Variants in GABRB1 observed in about 807,000 individuals in gnomAD.
GABRB1 encodes gamma-aminobutyric acid receptor subunit beta-1.
Under a neutral mutation model 51.6 loss-of-function variants are expected in GABRB1, and 17 were observed. That is an observed-to-expected ratio of 0.33 (90% CI 0.23 to 0.49). The LOEUF (loss-of-function observed/expected upper bound fraction) is 0.49, where lower values mean the gene tolerates loss of function less well. GABRB1 is among the 20% of genes least tolerant of loss of function. The pLI is 0.99. For missense variants in GABRB1, 410 were observed against 600.6 expected (o/e 0.68, Z 3.32); for synonymous variants, 247 against 218.9 (o/e 1.13, Z -1.14).
At chr4:47,322,172 C>T (rs545336557) in intron 5 of GABRB1, among the ~76,000 whole-genome samples, 1 of 152,204 alleles carries the variant, frequency 6.6e-6, no homozygotes, top group Admixed American at 6.5e-5. Flanking sequence ...AAGTAATCAT[C>T]AAATATGATG....
At chr4:47,015,642 A>G (rs1372199307) in intron 1 of GABRB1, among the ~76,000 whole-genome samples, 2 of 152,224 alleles carry the variant, frequency 1.3e-5, no homozygotes, top group African/African-American at 2.4e-5. Context: ...TTTCAAAGCA[A>G]TAATTGGAAA....
At chr4:47,304,870 A>G (rs995634228) in intron 4 of GABRB1, among the ~76,000 whole-genome samples, 2 of 152,116 alleles carry the variant, frequency 1.3e-5, no homozygotes, top group Non-Finnish European at 2.9e-5. Context: ...ATGATGTTTT[A>G]ATGGTTAAAA....
rs191763802 is a variant in GABRB1, at chr4:47,298,741, T to C, written c.462-21386T>C. Among the ~76,000 whole-genome samples the C allele has an allele frequency of 4.8e-4, 73 of 152,264 alleles. No homozygotes were observed. The East Asian group carries it at 9.5e-3, about 20-fold the overall frequency. Reference sequence around the variant, plus strand: ...TTCACAGAATTGGAAAAAACTACTTTAAAGTTCATATGGAAACAAAAAAGA... The same window carrying C: ...TTCACAGAATTGGAAAAAACTACTTCAAAGTTCATATGGAAACAAAAAAGA... On this transcript the variant is annotated intron_variant, in intron 4 of 8. Transcript: ENST00000295454.
At chr4:47,405,294 T>C (rs767398429) in intron 7 of GABRB1, among the ~76,000 whole-genome samples, 4 of 152,202 alleles carry the variant, frequency 2.6e-5, no homozygotes, top group Non-Finnish European at 4.4e-5. Context: ...TTCTAAAAGT[T>C]GAATAGTCAA....
chr4:47,236,773 C>T (rs1310208355), intron 4 of GABRB1, among the ~76,000 whole-genome samples: 2 of 152,134 alleles, frequency 1.3e-5, no homozygotes, highest in East Asian at 3.8e-4. Flanking sequence ...TCACTGTTTG[C>T]TTTCTTGAAT....
At chr4:47,320,923 C>A (rs1725061451) in intron 5 of GABRB1, among the ~76,000 whole-genome samples, 1 of 152,154 alleles carries the variant, frequency 6.6e-6, no homozygotes. Flanking sequence ...GCGCCCGCCA[C>A]CACGCCCAGC....
chr4:47,125,847 G>A (rs912461166), intron 3 of GABRB1, among the ~76,000 whole-genome samples: 1 of 149,942 alleles, frequency 6.7e-6, no homozygotes, highest in Non-Finnish European at 1.5e-5. Flanking sequence ...GAGCCACCGC[G>A]CCCGGCCCAA....
chr4:47,131,804 C>T (rs1265389789), intron 3 of GABRB1, among the ~76,000 whole-genome samples: 2 of 152,040 alleles, frequency 1.3e-5, no homozygotes, highest in Non-Finnish European at 2.9e-5. Context: ...GGATGATGAT[C>T]AGAAATGATT....
chr4:47,055,668 C>T (rs979848117), intron 3 of GABRB1, among the ~76,000 whole-genome samples: 1 of 152,120 alleles, frequency 6.6e-6, no homozygotes, highest in African/African-American at 2.4e-5. Context: ...GACCCATTTG[C>T]CATGAGTTAG....
intron 3 of GABRB1, among the ~76,000 whole-genome samples, chr4:47,126,513 C>T (rs191595071): frequency 6.6e-6 from 1 of 152,044 alleles, no homozygotes. Flanking sequence ...TTTTAAGACA[C>T]CATTTTGTAC....
chr4:47,314,888 GA>G, intron 4 of GABRB1, among the ~76,000 whole-genome samples: 1 of 151,998 alleles, frequency 6.6e-6, no homozygotes, highest in South Asian at 2.1e-4. Flanking sequence ...TCCAACTCAA[GA>G]TGGATTAAAG....
At chr4:47,072,480 C>T (rs1727379838) in intron 3 of GABRB1, among the ~76,000 whole-genome samples, 1 of 152,146 alleles carries the variant, frequency 6.6e-6, no homozygotes, top group African/African-American at 2.4e-5. Context: ...GGTTAGTTTG[C>T]TACTGTGGTT....
chr4:47,004,584 A>T (rs1423667626), intron 1 of GABRB1, among the ~76,000 whole-genome samples: 1 of 152,144 alleles, frequency 6.6e-6, no homozygotes, highest in Non-Finnish European at 1.5e-5. Flanking sequence ...CTATTAAAGG[A>T]TATACTTTAG....
intron 8 of GABRB1, among the ~76,000 whole-genome samples, chr4:47,420,646 T>C (rs536006677): frequency 3.9e-5 from 6 of 152,312 alleles, no homozygotes; most frequent in Admixed American, 3.9e-4. Flanking sequence ...CAACATGACT[T>C]CTTGCTCCCT....
intron 3 of GABRB1, among the ~76,000 whole-genome samples, chr4:47,159,305 A>G (rs1199973354): frequency 6.6e-6 from 1 of 151,990 alleles, no homozygotes; most frequent in Admixed American, 6.6e-5. Context: ...GAAAAGAAAA[A>G]AAAGAGGCAT....
At chr4:47,037,559 T>TG (rs1187924641) in intron 3 of GABRB1, among the ~76,000 whole-genome samples, 81 of 149,978 alleles carry the variant, frequency 5.4e-4, no homozygotes, top group African/African-American at 2.0e-3. Context: ...TGTTTTTTGT[T>TG]TTTTTTTTTT....
At chr4:47,280,340 C>T (rs927787351) in intron 4 of GABRB1, among the ~76,000 whole-genome samples, 5 of 151,502 alleles carry the variant, frequency 3.3e-5, no homozygotes, top group Non-Finnish European at 7.4e-5. Flanking sequence ...AATTTGTGTC[C>T]CTTAAACACA....
chr4:47,161,808 T>C (rs1049494475), intron 4 of GABRB1, among the ~76,000 whole-genome samples: 1 of 152,100 alleles, frequency 6.6e-6, no homozygotes, highest in Non-Finnish European at 1.5e-5. Flanking sequence ...TAAACTCATA[T>C]ATGCCTCAAA....
At chr4:47,327,586 G>C (rs953447481) in intron 5 of GABRB1, among the ~76,000 whole-genome samples, 1 of 152,200 alleles carries the variant, frequency 6.6e-6, no homozygotes, top group South Asian at 2.1e-4. Flanking sequence ...GTGACACCTG[G>C]TTACTTTTAC....
Sources: gnomAD v4.1 joint callset for allele counts (sites outside exome capture counted in the v4.1 genomes callset) on GRCh38, gnomAD v4.1.1 for gene constraint, MANE v1.5 for transcripts, NCBI Gene and HGNC (gene_info 2026-07-23, HGNC 2026-07-21) for gene names.